DACH1: variants seen among roughly 807,000 people sequenced by gnomAD.
DACH1 encodes the protein dachshund family transcription factor 1, also known as dachshund homolog 1.
A neutral mutation model predicts 54.2 loss-of-function variants in DACH1; 12 were observed. The ratio of observed to expected loss-of-function variants is 0.22; its 90% CI spans 0.14 to 0.36. The LOEUF is 0.36. DACH1 is among the 10% of genes least tolerant of loss of function. DACH1 has a pLI of 1.00. For synonymous variants in DACH1, 386 were observed against 366.2 expected, an observed-to-expected ratio of 1.05 and a Z score of -0.62; for missense variants, 805 against 929.8, an observed-to-expected ratio of 0.87 and a Z score of 1.75.
chr13:71,866,954 C>G lies in DACH1; in HGVS notation c.-185G>C, dbSNP rs1874868828. 2.2e-6 allele frequency: 1 copy of G among 462,732 alleles called. No individual in the cohort carries two copies. Among genetic ancestry groups the G allele is most frequent in the East Asian group, 3.6e-5 (1 of 27,748 alleles). The allele number at this position is 462,732 out of a possible 1,614,324, so 28.7% of individuals were successfully genotyped here. On this transcript the variant is annotated 5_prime_UTR_variant, in exon 1 of 11. Coordinates refer to ENST00000613252, the MANE Select transcript of DACH1 (RefSeq NM_080759.6). ...GGAGGTGAAGGTAATAAAGAGCGAGCGCAAGAGGGGCGAGCACGAGAGGCG... is the reference window on the plus strand; with the variant it reads ...GGAGGTGAAGGTAATAAAGAGCGAGGGCAAGAGGGGCGAGCACGAGAGGCG...
intron 2 of DACH1, among the ~76,000 whole-genome samples, chr13:71,655,800 TC>T (rs1448846662): frequency 6.6e-6 from 1 of 152,236 alleles, no homozygotes; most frequent in African/African-American, 2.4e-5. Flanking sequence ...TTCCCATCTT[TC>T]TTTTTCATTT....
chr13:71,517,380 T>C (rs1881239514), intron 6 of DACH1, among the ~76,000 whole-genome samples: 2 of 151,902 alleles, frequency 1.3e-5, no homozygotes, highest in Admixed American at 6.6e-5. Flanking sequence ...AGAAATTAAC[T>C]ATATAACTGA....
At chr13:71,652,235 T>C (rs1320404595) in intron 2 of DACH1, among the ~76,000 whole-genome samples, 4 of 152,198 alleles carry the variant, frequency 2.6e-5, no homozygotes, top group Non-Finnish European at 5.9e-5. Context: ...TAAATTCTAG[T>C]ATAGATTTCA....
At chr13:71,574,844 C>A (rs1327228583) in intron 3 of DACH1, among the ~76,000 whole-genome samples, 1 of 151,960 alleles carries the variant, frequency 6.6e-6, no homozygotes, top group South Asian at 2.1e-4. Context: ...AAAGAAATTT[C>A]TCCAGCTTGC....
At chr13:71,617,653 A>G (rs1875883284) in intron 3 of DACH1, among the ~76,000 whole-genome samples, 1 of 152,240 alleles carries the variant, frequency 6.6e-6, no homozygotes, top group Admixed American at 6.5e-5. Context: ...AAAATAGTTA[A>G]CAACATTTAC....
chr13:71,467,704 A>T (rs1876717424), intron 10 of DACH1, among the ~76,000 whole-genome samples: 1 of 152,140 alleles, frequency 6.6e-6, no homozygotes, highest in African/African-American at 2.4e-5. Flanking sequence ...ACTGCCTACA[A>T]TCAATATCAC....
chr13:71,837,541 C>A (rs1888842268), intron 1 of DACH1, among the ~76,000 whole-genome samples: 1 of 151,864 alleles, frequency 6.6e-6, no homozygotes, highest in Non-Finnish European at 1.5e-5. Context: ...CATTGGTAAA[C>A]CCTGAAAATT....
At chr13:71,784,114 A>T (rs1013964421) in intron 1 of DACH1, among the ~76,000 whole-genome samples, 1 of 152,112 alleles carries the variant, frequency 6.6e-6, no homozygotes, top group African/African-American at 2.4e-5. Context: ...GGTGATGTAT[A>T]CTTTAGCACA....
At chr13:71,604,446 G>A (rs962811020) in intron 3 of DACH1, among the ~76,000 whole-genome samples, 5 of 151,908 alleles carry the variant, frequency 3.3e-5, no homozygotes, top group Middle Eastern at 3.4e-3. Flanking sequence ...CCAGATGGAC[G>A]ACTGATTATA....
At chr13:71,483,181 C>T (rs1004351123) in intron 7 of DACH1, among the ~76,000 whole-genome samples, 5 of 151,590 alleles carry the variant, frequency 3.3e-5, no homozygotes, top group Non-Finnish European at 7.4e-5. Flanking sequence ...TGTCCTGCAA[C>T]GCCGATGTAT....
At chr13:71,513,069 G>C (rs1593814673) in intron 6 of DACH1, among the ~76,000 whole-genome samples, 1 of 151,754 alleles carries the variant, frequency 6.6e-6, no homozygotes. Context: ...ACAGTAATTG[G>C]AACCATCTGC....
At chr13:71,662,905 T>C (rs1879603245) in intron 2 of DACH1, among the ~76,000 whole-genome samples, 2 of 151,998 alleles carry the variant, frequency 1.3e-5, no homozygotes, top group African/African-American at 2.4e-5. Flanking sequence ...TATTGCTACT[T>C]TGTACCTTCA....
At chr13:71,621,342 T>C (rs1876222266) in intron 3 of DACH1, among the ~76,000 whole-genome samples, 1 of 152,040 alleles carries the variant, frequency 6.6e-6, no homozygotes, top group Non-Finnish European at 1.5e-5. Flanking sequence ...GCATTTGCCC[T>C]TTCATAGAGA....
Position 71,466,616 on chromosome 13 carries a change from G to A in DACH1, c.2083+8525C>T, listed in dbSNP as rs865852555. The stretch of plus-strand genomic sequence containing the variant: ...ATATCACTTTGGGAGGCCGAGGCAA[G>A]TGGATCGCTTGAGCTCAGGAGTTCG... On this transcript the variant is annotated intron_variant, in intron 10 of 10. Coordinates refer to ENST00000613252, the MANE Select transcript of DACH1 (RefSeq NM_080759.6). Among the ~76,000 whole-genome samples the A allele has an allele frequency of 4.2e-4, 64 of 152,296 alleles. 1 individual carries two copies. The highest frequency in any genetic ancestry group is 1.5e-3 in the African/African-American group (61 of 41,580).
At chr13:71,684,254 G>T (rs535414757) in intron 1 of DACH1, among the ~76,000 whole-genome samples, 10 of 152,092 alleles carry the variant, frequency 6.6e-5, no homozygotes, top group African/African-American at 2.4e-4. Context: ...AATTCCAGAA[G>T]GATTTTTATA....
At chr13:71,693,440 C>G (rs1400673516) in intron 1 of DACH1, among the ~76,000 whole-genome samples, 1 of 146,090 alleles carries the variant, frequency 6.8e-6, no homozygotes, top group Non-Finnish European at 1.5e-5. Context: ...GTAGCTGGGA[C>G]TATAGGTGCT....
intron 1 of DACH1, among the ~76,000 whole-genome samples, chr13:71,776,783 AAATAAACCCTGCTGTT>A (rs1314705564): frequency 1.3e-5 from 2 of 152,146 alleles, no homozygotes; most frequent in Non-Finnish European, 2.9e-5. Context: ...TCTACACCCC[AAATAAACCCTGCTGTT>A]GCTTTTACTT....
At chr13:71,476,073 A>C (rs1033041235) in intron 8 of DACH1, among the ~76,000 whole-genome samples, 1 of 152,148 alleles carries the variant, frequency 6.6e-6, no homozygotes, top group Non-Finnish European at 1.5e-5. Flanking sequence ...ATTACATTAC[A>C]AGAATGGCTT....
chr13:71,851,094 T>G (rs7996091), intron 1 of DACH1, among the ~76,000 whole-genome samples: 10,984 of 152,266 alleles, frequency 0.072, 432 homozygotes, highest in African/African-American at 0.092. Context: ...GGTGAAAATT[T>G]TTCAGTGTCA....
Sources: gnomAD v4.1 joint callset for allele counts (sites outside exome capture counted in the v4.1 genomes callset) on GRCh38, gnomAD v4.1.1 for gene constraint, MANE v1.5 for transcripts, NCBI Gene and HGNC (gene_info 2026-07-23, HGNC 2026-07-21) for gene names.